The following CFDP1 variants were observed in gnomAD, a reference collection of about 807,000 sequenced individuals.
CFDP1 encodes the protein chromatin remodeling protein CFDP1, also known as heterochromatin-stabilizing protein CFDP1.
A neutral mutation model predicts 40.1 loss-of-function variants in CFDP1; 31 were observed. The ratio of observed to expected loss-of-function variants is 0.77; its 90% CI spans 0.58 to 1.04. CFDP1 has a LOEUF of 1.04. CFDP1 is among the 50% of genes least tolerant of loss of function. The pLI is 0.00. For missense variants in CFDP1, 423 were observed against 343.4 expected, an observed-to-expected ratio of 1.23 and a Z score of -1.83; for synonymous variants, 167 against 120.0, an observed-to-expected ratio of 1.39 and a Z score of -2.56.
intron 5 of CFDP1, among the ~76,000 whole-genome samples, chr16:75,340,188 G>A (rs528425603): frequency 6.6e-6 from 1 of 152,126 alleles, no homozygotes; most frequent in Non-Finnish European, 1.5e-5. Context: ...ACATTTCCAG[G>A]ACCGCAATGC....
intron 5 of CFDP1, among the ~76,000 whole-genome samples, chr16:75,323,531 A>G (rs907032275): frequency 1.3e-5 from 2 of 152,016 alleles, no homozygotes; most frequent in Non-Finnish European, 2.9e-5. Flanking sequence ...CTGTAATCCC[A>G]GCACTTGTGA....
At chr16:75,348,208 G>C (rs2078583660) in intron 5 of CFDP1, among the ~76,000 whole-genome samples, 1 of 152,140 alleles carries the variant, frequency 6.6e-6, no homozygotes, top group Non-Finnish European at 1.5e-5. Context: ...ACAGCACACT[G>C]CAACTTCAAA....
At chr16:75,345,986 A>G (rs952833209) in intron 5 of CFDP1, among the ~76,000 whole-genome samples, 7 of 152,226 alleles carry the variant, frequency 4.6e-5, no homozygotes, top group Non-Finnish European at 8.8e-5. Context: ...TCTCTACTCA[A>G]GAAGAAATCT....
At chr16:75,352,571 TA>T (rs923016572) in intron 5 of CFDP1, among the ~76,000 whole-genome samples, 35 of 152,096 alleles carry the variant, frequency 2.3e-4, no homozygotes, top group Non-Finnish European at 4.6e-4. Flanking sequence ...TCTATCTTTT[TA>T]AAAAAATAAT....
chr16:75,372,381 T>C (rs2078759030), intron 5 of CFDP1: 1 of 152,146 alleles, frequency 6.6e-6, no homozygotes, highest in Non-Finnish European at 1.5e-5. Flanking sequence ...ATTTCAAGAC[T>C]CTGGCCAGGA....
chr16:75,392,198 G>C (rs1225262543), intron 5 of CFDP1, among the ~76,000 whole-genome samples: 1 of 151,964 alleles, frequency 6.6e-6, no homozygotes, highest in Non-Finnish European at 1.5e-5. Flanking sequence ...GAAGTCAGGA[G>C]TTCAAGACTA....
chr16:75,416,444 A>C (rs2079206307), intron 1 of CFDP1, among the ~76,000 whole-genome samples: 1 of 148,916 alleles, frequency 6.7e-6, no homozygotes, highest in Non-Finnish European at 1.5e-5. Context: ...GTAAAAACTA[A>C]AACAATGATA....
intron 5 of CFDP1, among the ~76,000 whole-genome samples, chr16:75,378,719 G>C (rs1363306232): frequency 1.3e-5 from 2 of 152,082 alleles, no homozygotes; most frequent in African/African-American, 4.8e-5. Flanking sequence ...AGTAGTTAGA[G>C]TTTAGTGCAA....
chr16:75,334,199 CACCCTAACCCTA>C (rs371461725), intron 5 of CFDP1, among the ~76,000 whole-genome samples: 50 of 149,670 alleles, frequency 3.3e-4, no homozygotes, highest in African/African-American at 4.2e-4. Flanking sequence ...CTCCTCGCAG[CACCCTAACCCTA>C]ACCCTAACCC....
At position 75,414,710 on chromosome 16, in the gene CFDP1, CA is replaced by C; in HGVS notation, c.65-16del. The C allele has an allele frequency of 2.0e-6, 3 of 1,499,174 alleles. No homozygotes were observed. Among genetic ancestry groups the C allele is most frequent in the Non-Finnish European group, 2.8e-6 (3 of 1,076,630 alleles). 92.9% of individuals were successfully genotyped at this position (1,499,174 alleles called of 1,614,324 possible). On this transcript the variant is annotated splice_polypyrimidine_tract_variant and intron_variant, in intron 1 of 6. Transcript: ENST00000283882. ...ATACTCTCCACCTGAAATCACATAACAGGGTGATCAGACAGGAATAAAGGTT... is the reference window on the plus strand; with the variant it reads ...ATACTCTCCACCTGAAATCACATAACGGGTGATCAGACAGGAATAAAGGTT...
chr16:75,320,058 T>C (rs576830530), intron 5 of CFDP1, among the ~76,000 whole-genome samples: 1 of 152,182 alleles, frequency 6.6e-6, no homozygotes, highest in Non-Finnish European at 1.5e-5. Flanking sequence ...TCACTGACCA[T>C]CAAAAAGAAT....
At chr16:75,378,663 T>C (rs939000897) in intron 5 of CFDP1, among the ~76,000 whole-genome samples, 1 of 152,148 alleles carries the variant, frequency 6.6e-6, no homozygotes, top group African/African-American at 2.4e-5. Context: ...ATGGGATAGT[T>C]AGTGCTACAA....
chr16:75,422,922 T>C (rs191804484), intron 1 of CFDP1, among the ~76,000 whole-genome samples: 190 of 152,048 alleles, frequency 1.2e-3, no homozygotes, highest in African/African-American at 4.3e-3. Context: ...GGCAGGAAGA[T>C]TGCTCAAAGC....
chr16:75,421,176 C>T (rs905926688), intron 1 of CFDP1, among the ~76,000 whole-genome samples: 3 of 152,134 alleles, frequency 2.0e-5, no homozygotes, highest in African/African-American at 7.2e-5. Flanking sequence ...TTCCTGTGTG[C>T]AACCTGGGAT....
chr16:75,311,884 C>A (rs1223333500), intron 5 of CFDP1, among the ~76,000 whole-genome samples: 1 of 151,422 alleles, frequency 6.6e-6, no homozygotes, highest in Non-Finnish European at 1.5e-5. Context: ...GGACTATAGG[C>A]TCATACAATT....
At chr16:75,385,756 C>T (rs1310644322) in intron 5 of CFDP1, among the ~76,000 whole-genome samples, 1 of 152,136 alleles carries the variant, frequency 6.6e-6, no homozygotes, top group South Asian at 2.1e-4. Context: ...AGTTAAAGAC[C>T]TATGAAGCAA....
chr16:75,363,448 T>C (rs1597355672), intron 5 of CFDP1, among the ~76,000 whole-genome samples: 1 of 151,072 alleles, frequency 6.6e-6, no homozygotes, highest in African/African-American at 2.4e-5. Flanking sequence ...CAGGCTGGAG[T>C]GCAGTGGCGC....
intron 5 of CFDP1, among the ~76,000 whole-genome samples, chr16:75,363,433 T>C (rs1222687926): frequency 1.3e-5 from 2 of 151,674 alleles, no homozygotes; most frequent in Admixed American, 6.6e-5. Flanking sequence ...TCTCGCTCTG[T>C]CGCCCAGGCT....
rs1465590734 is a variant in CFDP1, at chr16:75,318,411, T to TC, written c.651-13230_651-13229insG. On this transcript the variant is annotated intron_variant, in intron 5 of 6. Transcript: ENST00000283882. ...AGTTGGCATGCTTTCTTTCTTTCTT[T>TC]TTTTTTTTTTTTGAGATGAAGTCTC... Among the ~76,000 whole-genome samples the TC allele has an allele frequency of 2.0e-5, 3 of 149,528 alleles. No individual in the cohort carries two copies. The East Asian group carries it at 5.9e-4, about 29-fold the overall frequency.
Sources: allele counts gnomAD v4.1 joint callset (sites outside exome capture counted in the v4.1 genomes callset), GRCh38; gene constraint gnomAD v4.1.1; transcripts MANE v1.5; gene names NCBI Gene and HGNC (gene_info 2026-07-23, HGNC 2026-07-21).